HECTD4: variants seen among roughly 807,000 people sequenced by gnomAD.
HECTD4 encodes the protein HECT domain E3 ubiquitin protein ligase 4, also known as probable E3 ubiquitin-protein ligase HECTD4.
In HECTD4, 114 loss-of-function variants were observed where a neutral mutation model predicts 471.5. The observed-to-expected ratio is 0.24, with a 90% CI of 0.21 to 0.28. The LOEUF (loss-of-function observed/expected upper bound fraction) is 0.28. Among genes scored for constraint, HECTD4 ranks in the 10% least tolerant of loss-of-function variants. The probability of loss-of-function intolerance (pLI) is 1.00; values close to 1 mark genes in which losing one functional copy is unlikely to be tolerated. For missense variants in HECTD4, 3,866 were observed against 5,651.5 expected (o/e 0.68, Z 10.13); for synonymous variants, 2,012 against 2,256.0 (o/e 0.89, Z 3.07).
chr12:112,323,947 CTTCTTTCTTTCT>C lies in HECTD4; in HGVS notation c.178-4217_178-4206del, dbSNP rs140401737. Among the ~76,000 whole-genome samples, 215 of 66,838 alleles carry C rather than the reference CTTCTTTCTTTCT, an allele frequency of 3.2e-3. 8 individuals are homozygous for C. The highest frequency in any genetic ancestry group is 9.3e-3 in the East Asian group (9 of 966). The allele number at this position is 66,838 out of a possible 152,430, so 43.8% of individuals were successfully genotyped here. ...ATTAGAGGTATTTTTTACTGAGGTGCTTCTTTCTTTCTTTCTTTCTTCCTTCCTTCCTTCCTT... is the reference window on the plus strand; with the variant it reads ...ATTAGAGGTATTTTTTACTGAGGTGCTTCTTTCTTCCTTCCTTCCTTCCTT... On this transcript the variant is annotated intron_variant, in intron 1 of 75. Transcript: ENST00000682272.
chr12:112,267,100 G>A lies in HECTD4; in HGVS notation c.2322-118C>T, dbSNP rs117442739. ...TTGGATGTGAGGGCAATCTGGCTGC[G>A]ACATCTGTCACCCCATTGATCGCTG... On this transcript the variant is annotated intron_variant, in intron 13 of 75. Transcript: ENST00000682272. 9.2e-3 allele frequency: 5,935 copies of A among 648,430 alleles called. 44 individuals are homozygous for A. The highest frequency in any genetic ancestry group is 0.013 in the Non-Finnish European group (4,896 of 365,940). 40.2% of individuals were successfully genotyped at this position (648,430 alleles called of 1,614,324 possible). A position where few individuals can be genotyped will look rare whatever the true frequency, so the allele number is the denominator to read the frequency against.
chr12:112,340,537 A>G (rs1318567208), intron 1 of HECTD4, among the ~76,000 whole-genome samples: 3 of 152,180 alleles, frequency 2.0e-5, no homozygotes, highest in Non-Finnish European at 2.9e-5. Flanking sequence ...TAGACGAGCT[A>G]CTGGCATCTA....
Position 112,184,740 on chromosome 12 carries a change from T to A in HECTD4, c.10226A>T (p.Asp3409Val), listed in dbSNP as rs1453072079. The A allele has an allele frequency of 1.2e-6, 2 of 1,611,850 alleles. No homozygotes were observed. Among genetic ancestry groups the A allele is most frequent in the Non-Finnish European group, 8.5e-7 (1 of 1,178,460 alleles). ...LVISGIPTHLDEGVVRGAIRK... is the reference protein window; with the variant it reads ...LVISGIPTHLVEGVVRGAIRK... ...GATGGCGCCTCTGACTACGCCCTCG[T>A]CCAGGTGGGTGGGGATCCCGGAGAT... Residue 3409 changes from aspartate to valine, a missense_variant, in exon 61 of 76, where the codon GAC becomes GTC. By Grantham distance (152) the Asp-to-Val change is radical. This residue lies in a region of HECTD4 where 71 missense variants were observed against 144.5 expected (regional missense o/e 0.49). Transcript: ENST00000682272. This position sits in a 1 kb window ranked among gnomAD's most constrained non-coding sequence, Gnocchi z 9.1.
At chr12:112,168,111 A>G (rs528125197) in intron 70 of HECTD4, among the ~76,000 whole-genome samples, 194 bp from the exon 71 acceptor site, 1 of 152,240 alleles carries the variant, frequency 6.6e-6, no homozygotes, top group East Asian at 1.9e-4. Flanking sequence ...TAGTGGGGCC[A>G]CCCAGGGATA....
At chr12:112,377,865 G>T (rs954747729) in intron 1 of HECTD4, among the ~76,000 whole-genome samples, 1 of 151,508 alleles carries the variant, frequency 6.6e-6, no homozygotes, top group Middle Eastern at 3.4e-3. Flanking sequence ...AATAAAACTC[G>T]GTCTCAAAAA....
Position 112,188,466 on chromosome 12 carries a change from A to G in HECTD4, c.9472+2320T>C, listed in dbSNP as rs1463654329. The stretch of plus-strand genomic sequence containing the variant: ...CATACCAGAGGCATATCTTACATTC[A>G]CATAGTCATGTACCCTGGATCTGAG... On this transcript the variant is annotated intron_variant, in intron 60 of 75. Coordinates refer to ENST00000682272, the MANE Select transcript of HECTD4 (RefSeq NM_001388303.1). The surrounding 1 kb of genome is among the most constrained non-coding windows in gnomAD (Gnocchi z 4.2). 3.9e-5 allele frequency among the ~76,000 whole-genome samples: 6 copies of G among 152,200 alleles called. No individual in the cohort carries two copies. The highest frequency in any genetic ancestry group is 2.0e-4 in the Admixed American group (3 of 15,278).
chr12:112,327,379 AT>A lies in HECTD4; in HGVS notation c.178-7638del, dbSNP rs564758031. Among the ~76,000 whole-genome samples the A allele has an allele frequency of 8.5e-5, 13 of 152,192 alleles. No individual in the cohort carries two copies. The South Asian group carries it at 1.2e-3, about 15-fold the overall frequency. ...AACATCTCAAAATGAAATATTAATG[AT>A]TTTTTATTTATATTAAATAAAACAT... On this transcript the variant is annotated intron_variant, in intron 1 of 75. Coordinates refer to ENST00000682272, the MANE Select transcript of HECTD4 (RefSeq NM_001388303.1).
chr12:112,232,331 T>C (rs1294652687), intron 38 of HECTD4, among the ~76,000 whole-genome samples: 1 of 152,164 alleles, frequency 6.6e-6, no homozygotes, highest in East Asian at 1.9e-4. Flanking sequence ...GATTTTGCCA[T>C]GTTGGCCAGG....
At chr12:112,304,469 C>G (rs2035234195) in intron 7 of HECTD4, among the ~76,000 whole-genome samples, 2 of 151,820 alleles carry the variant, frequency 1.3e-5, no homozygotes, top group Admixed American at 1.3e-4. Flanking sequence ...CTATGTTGCC[C>G]AGGCTAGTCT....
intron 34 of HECTD4, among the ~76,000 whole-genome samples, chr12:112,237,745 T>C (rs2135574088): frequency 6.6e-6 from 1 of 151,394 alleles, no homozygotes; most frequent in African/African-American, 2.4e-5. Flanking sequence ...TTGGTCTATT[T>C]CCCTGTCAGA....
chr12:112,227,321 G>C (rs2033265827), intron 43 of HECTD4, among the ~76,000 whole-genome samples: 1 of 152,050 alleles, frequency 6.6e-6, no homozygotes, highest in South Asian at 2.1e-4. Context: ...TTAGCCAGGA[G>C]TGGTGGTATG....
At chr12:112,216,417 C>A in intron 47 of HECTD4, 46 bp from the exon 48 acceptor site, 10 of 1,308,564 alleles carry the variant, frequency 7.6e-6, no homozygotes, top group Non-Finnish European at 1.1e-5. Context: ...GAAAGATAAG[C>A]CTCACTGGCC....
chr12:112,202,728 T>G (rs1288347283), intron 54 of HECTD4, among the ~76,000 whole-genome samples: 1 of 152,146 alleles, frequency 6.6e-6, no homozygotes, highest in African/African-American at 2.4e-5. Flanking sequence ...CAGAATCACA[T>G]AGTCATGGCT....
At chr12:112,271,219 T>C (rs1372382508) in intron 11 of HECTD4, among the ~76,000 whole-genome samples, 1 of 152,202 alleles carries the variant, frequency 6.6e-6, no homozygotes, top group Non-Finnish European at 1.5e-5. Flanking sequence ...ACCCTACAGA[T>C]ACTAATTACT....
chr12:112,283,421 A>G, intron 7 of HECTD4, 119 bp from the exon 8 acceptor site: 1 of 705,018 alleles, frequency 1.4e-6, no homozygotes, highest in Non-Finnish European at 2.3e-6. Context: ...TCCTGAGTAG[A>G]TGTATACCTT....
intron 1 of HECTD4, among the ~76,000 whole-genome samples, chr12:112,377,907 TG>T (rs1284320271): frequency 6.6e-6 from 1 of 152,098 alleles, no homozygotes; most frequent in Non-Finnish European, 1.5e-5. Context: ...AAGAATTTAC[TG>T]GGAAGAAAAA....
rs760516427 is a variant in HECTD4, at chr12:112,265,192, G to A, written c.2602C>T (p.Leu868Phe). 2 of 1,601,508 alleles carry A rather than the reference G, an allele frequency of 1.2e-6. No individual in the cohort carries two copies. Among genetic ancestry groups the A allele is most frequent in the East Asian group, 2.2e-5 (1 of 44,448 alleles). The change falls in exon 16 of 76, where the codon CTC (leucine) becomes TTC (phenylalanine). Residue 868 changes from leucine to phenylalanine, a missense_variant. This residue lies in a region of HECTD4 where 525 missense variants were observed against 672.6 expected (regional missense o/e 0.78). Coordinates refer to ENST00000682272, the MANE Select transcript of HECTD4 (RefSeq NM_001388303.1). ...TTACTTACAGGCACAGTTGAAAGGA[G>A]CTTTTGAAAATCATCTTTAGAGACA... ...QTVSKDDFQK[L>F]LSTVPAASSC... is the part of the protein sequence containing the mutation.
chr12:112,234,043 A>AT (rs2033446269), intron 37 of HECTD4, among the ~76,000 whole-genome samples: 2 of 152,132 alleles, frequency 1.3e-5, no homozygotes, highest in South Asian at 4.2e-4. Context: ...ATATTTTTAT[A>AT]TTTTTAATAA....
At chr12:112,375,412 A>C (rs1459144510) in intron 1 of HECTD4, among the ~76,000 whole-genome samples, 1 of 152,194 alleles carries the variant, frequency 6.6e-6, no homozygotes, top group Non-Finnish European at 1.5e-5. Flanking sequence ...ACTTAAAAGC[A>C]AACACAATGA....
Sources: allele counts gnomAD v4.1 joint callset (sites outside exome capture counted in the v4.1 genomes callset), GRCh38; gene constraint gnomAD v4.1.1; regional missense constraint gnomAD v4.1.1; non-coding constraint Gnocchi (gnomAD v3.1); transcripts MANE v1.5; gene names NCBI Gene and HGNC (gene_info 2026-07-23, HGNC 2026-07-21).